Variants in HECW2 observed in about 807,000 individuals in gnomAD.
HECW2 encodes HECT, C2 and WW domain containing E3 ubiquitin protein ligase 2.
HECW2 carries 61 observed loss-of-function variants against 175.2 expected under a neutral mutation model. The observed-to-expected ratio is 0.35, with a 90% CI of 0.28 to 0.43. The LOEUF is 0.43. Among genes scored for constraint, HECW2 ranks in the 20% least tolerant of loss-of-function variants. The pLI, the probability that HECW2 is intolerant of heterozygous loss-of-function variation, is 1.00. For synonymous variants in HECW2, 671 were observed against 731.0 expected (o/e 0.92, Z 1.32); for missense variants, 1,524 against 2,000.5 (o/e 0.76, Z 4.54).
intron 19 of HECW2, among the ~76,000 whole-genome samples, chr2:196,249,468 G>A (rs1443633968): frequency 1.3e-5 from 2 of 152,102 alleles, no homozygotes; most frequent in Non-Finnish European, 2.9e-5. Flanking sequence ...GAGGAAAAGG[G>A]GGAAAGTTTA....
intron 1 of HECW2, among the ~76,000 whole-genome samples, chr2:196,444,630 A>T (rs986643281): frequency 2.0e-5 from 3 of 152,136 alleles, no homozygotes; most frequent in Admixed American, 2.0e-4. Flanking sequence ...TTCAATGCCA[A>T]CCCTTCCAAT....
At chr2:196,233,097 A>G (rs192310182) in intron 21 of HECW2, among the ~76,000 whole-genome samples, 103 of 152,348 alleles carry the variant, frequency 6.8e-4, no homozygotes, top group Middle Eastern at 3.4e-3. Context: ...ATGTCTTAGC[A>G]ACTTCTTTCA....
At chr2:196,222,544 C>T (rs566822143) in intron 23 of HECW2, among the ~76,000 whole-genome samples, 9 of 152,180 alleles carry the variant, frequency 5.9e-5, no homozygotes, top group African/African-American at 2.2e-4. Context: ...TTAGAAAGTC[C>T]TAAATATATA....
At chr2:196,279,170 T>A (rs1033225941) in intron 14 of HECW2, among the ~76,000 whole-genome samples, 4 of 152,038 alleles carry the variant, frequency 2.6e-5, no homozygotes, top group African/African-American at 9.7e-5. Context: ...TGCCTCAGCC[T>A]CCCGAGTAGC....
chr2:196,481,439 T>C (rs558115446), intron 1 of HECW2, among the ~76,000 whole-genome samples: 14 of 152,234 alleles, frequency 9.2e-5, no homozygotes, highest in Non-Finnish European at 1.9e-4. Flanking sequence ...TAAGCACATA[T>C]GTGCTCTGCC....
At chr2:196,384,956 G>A (rs889177318) in intron 2 of HECW2, among the ~76,000 whole-genome samples, 9 of 151,006 alleles carry the variant, frequency 6.0e-5, no homozygotes, top group Admixed American at 2.0e-4. Context: ...CTGTTCTTTC[G>A]CTCAGGCTGG....
At chr2:196,459,391 GAGAGT>G (rs1184758017) in intron 1 of HECW2, among the ~76,000 whole-genome samples, 1 of 152,162 alleles carries the variant, frequency 6.6e-6, no homozygotes, top group Non-Finnish European at 1.5e-5. Context: ...GAGTATAAAG[GAGAGT>G]ACTGGAGAGT....
intron 2 of HECW2, among the ~76,000 whole-genome samples, chr2:196,376,797 G>A (rs564521058): frequency 3.3e-5 from 5 of 151,144 alleles, no homozygotes; most frequent in South Asian, 2.1e-4. Flanking sequence ...AGCCAGGTGT[G>A]GTGGCATGCA....
intron 10 of HECW2, among the ~76,000 whole-genome samples, chr2:196,308,985 T>C (rs1471308620): frequency 1.3e-5 from 2 of 152,238 alleles, no homozygotes; most frequent in African/African-American, 2.4e-5. Flanking sequence ...TATATTTTTG[T>C]GTAAGTTATT....
At chr2:196,560,154 A>C (rs1248323005) in intron 1 of HECW2, among the ~76,000 whole-genome samples, 2 of 152,076 alleles carry the variant, frequency 1.3e-5, no homozygotes, top group Non-Finnish European at 1.5e-5. Flanking sequence ...TGCAGGGACC[A>C]CCCTTTAACA....
At chr2:196,485,367 C>T (rs2125378204) in intron 1 of HECW2, among the ~76,000 whole-genome samples, 1 of 152,288 alleles carries the variant, frequency 6.6e-6, no homozygotes, top group African/African-American at 2.4e-5. Flanking sequence ...TAACAAAATA[C>T]CTAAGACTGG....
At position 196,511,496 on chromosome 2, in the gene HECW2, T is replaced by C. The variant is rs1477652957; in HGVS notation, c.-35-78038A>G. Among the ~76,000 whole-genome samples, 4 of 152,340 alleles carry C rather than the reference T, an allele frequency of 2.6e-5. No homozygotes were observed. In the East Asian group the frequency reaches 5.8e-4, roughly 22 times the overall value. On this transcript the variant is annotated intron_variant, in intron 1 of 28. Coordinates refer to ENST00000644978, the MANE Select transcript of HECW2 (RefSeq NM_001348768.2). ...CGACAAATATGTGAGCACCTATTTATTGTATGCCAGATACAAGAGCAGTGG... is the reference window on the plus strand; with the variant it reads ...CGACAAATATGTGAGCACCTATTTACTGTATGCCAGATACAAGAGCAGTGG...
At chr2:196,428,135 C>T (rs1047867939) in intron 2 of HECW2, among the ~76,000 whole-genome samples, 1 of 152,068 alleles carries the variant, frequency 6.6e-6, no homozygotes, top group Admixed American at 6.6e-5. Context: ...AGTGTGCCAA[C>T]AAGCCACACC....
intron 1 of HECW2, among the ~76,000 whole-genome samples, chr2:196,498,406 A>T (rs941356763): frequency 3.3e-5 from 5 of 152,166 alleles, no homozygotes; most frequent in Non-Finnish European, 5.9e-5. Flanking sequence ...TATCATGGTG[A>T]ACATCTTTAT....
At chr2:196,355,059 G>C (rs1002932915) in intron 2 of HECW2, among the ~76,000 whole-genome samples, 1 of 152,060 alleles carries the variant, frequency 6.6e-6, no homozygotes, top group Admixed American at 6.5e-5. Context: ...ATTACTAAAG[G>C]CTTACTTACA....
At chr2:196,463,767 T>C (rs532526995) in intron 1 of HECW2, among the ~76,000 whole-genome samples, 23 of 152,364 alleles carry the variant, frequency 1.5e-4, no homozygotes, top group African/African-American at 5.0e-4. Context: ...CTACCCTTTA[T>C]ACTGCTACAA....
At chr2:196,304,417 C>A (rs1164802116) in intron 13 of HECW2, among the ~76,000 whole-genome samples, 4 of 152,166 alleles carry the variant, frequency 2.6e-5, no homozygotes, top group Non-Finnish European at 2.9e-5. Context: ...TAACTCTATC[C>A]CAGTGTGTGG....
At chr2:196,278,133 A>AAAAAAAAAAAAAATATATAT (rs531920307) in intron 15 of HECW2, among the ~76,000 whole-genome samples, 21 of 66,570 alleles carry the variant, frequency 3.2e-4, no homozygotes, top group African/African-American at 8.6e-4. Context: ...ATAATTAAAA[A>AAAAAAAAAAAAAATATATAT]ATATATATAT....
At chr2:196,522,335 T>C (rs965876090) in intron 1 of HECW2, among the ~76,000 whole-genome samples, 1 of 152,230 alleles carries the variant, frequency 6.6e-6, no homozygotes, top group South Asian at 2.1e-4. Flanking sequence ...GGTTGTTTTT[T>C]TCTTGTAAAT....
Sources: allele counts gnomAD v4.1 joint callset (sites outside exome capture counted in the v4.1 genomes callset), GRCh38; gene constraint gnomAD v4.1.1; transcripts MANE v1.5; gene names NCBI Gene and HGNC (gene_info 2026-07-23, HGNC 2026-07-21).